ABHD12: variants seen among roughly 807,000 people sequenced by gnomAD.
ABHD12 encodes lysophosphatidylserine lipase ABHD12.
Under a neutral mutation model 58.3 loss-of-function variants are expected in ABHD12, and 43 were observed. The ratio of observed to expected loss-of-function variants is 0.74; its 90% CI spans 0.58 to 0.95. The LOEUF (loss-of-function observed/expected upper bound fraction) is 0.95. Ranked by LOEUF, ABHD12 falls within the 40% of genes least tolerant of loss-of-function variation. ABHD12 has a pLI of 0.00. For synonymous variants in ABHD12, 219 were observed against 211.2 expected (o/e 1.04, Z -0.32); for missense variants, 539 against 537.2 (o/e 1.00, Z -0.03).
At chr20:25,390,253 G>A (rs1208748648) in intron 1 of ABHD12, 5 of 362,724 alleles carry the variant, frequency 1.4e-5, no homozygotes, top group Non-Finnish European at 2.5e-5. Context: ...TAGGCCAGGA[G>A]TGCCTGGCGA....
chr20:25,312,236 C>A (rs1423154610), intron 6 of ABHD12, among the ~76,000 whole-genome samples: 1 of 152,190 alleles, frequency 6.6e-6, no homozygotes, highest in Admixed American at 6.5e-5. Context: ...CAAGCCGAAG[C>A]TGGACTGTAC....
intron 1 of ABHD12, among the ~76,000 whole-genome samples, chr20:25,344,003 G>T (rs2089487336): frequency 6.6e-6 from 1 of 151,890 alleles, no homozygotes; most frequent in Admixed American, 6.6e-5. Context: ...ACATCAACAG[G>T]CTAAAAAAGA....
intron 7 of ABHD12, 117 bp downstream of exon 7, chr20:25,309,329 G>C: frequency 6.7e-7 from 1 of 1,488,442 alleles, no homozygotes; most frequent in Non-Finnish European, 9.3e-7. Flanking sequence ...AGCGAGGCTG[G>C]TCGGGACTAA....
Position 25,390,829 on chromosome 20 carries a change from C to G in ABHD12, c.-126G>C. Reference sequence around the variant, plus strand: ...GCCGCTCCTCACATCCCAGCCCAGGCCGCTGCGCCGGCTACGAACCAGCGG... The same window carrying G: ...GCCGCTCCTCACATCCCAGCCCAGGGCGCTGCGCCGGCTACGAACCAGCGG... On this transcript the variant is annotated 5_prime_UTR_variant, in exon 1 of 13. Transcript: ENST00000339157. The G allele has an allele frequency of 1.7e-6, 1 of 588,912 alleles. No individual in the cohort carries two copies. The highest frequency in any genetic ancestry group is 8.4e-5 in the South Asian group (1 of 11,886). 36.5% of individuals were successfully genotyped at this position (588,912 alleles called of 1,614,324 possible).
chr20:25,362,621 G>C (rs1308334395), intron 1 of ABHD12, among the ~76,000 whole-genome samples: 1 of 145,386 alleles, frequency 6.9e-6, no homozygotes, highest in Non-Finnish European at 1.5e-5. Context: ...GGAAGGACAG[G>C]GGAGGGGAGG....
chr20:25,300,912 T>C, intron 12 of ABHD12, 28 bp from the exon 13 acceptor site: 1 of 1,608,438 alleles, frequency 6.2e-7, no homozygotes, highest in Non-Finnish European at 8.5e-7. Flanking sequence ...CAGGAGCCAA[T>C]CATTTGAGCT....
At chr20:25,346,413 G>A (rs1011215405) in intron 1 of ABHD12, among the ~76,000 whole-genome samples, 1 of 152,084 alleles carries the variant, frequency 6.6e-6, no homozygotes, top group African/African-American at 2.4e-5. Context: ...TACATTTGTC[G>A]AAATCTCATA....
At chr20:25,317,015 C>G (rs1344187784) in intron 5 of ABHD12, 33 bp downstream of exon 5, 3 of 1,608,332 alleles carry the variant, frequency 1.9e-6, no homozygotes, top group Non-Finnish European at 2.6e-6. Context: ...AAGAACAGCC[C>G]AGGGAACAGG....
intron 1 of ABHD12, among the ~76,000 whole-genome samples, chr20:25,383,486 C>T (rs189240275): frequency 6.6e-6 from 1 of 152,222 alleles, no homozygotes; most frequent in Non-Finnish European, 1.5e-5. Context: ...GCCTTCAATG[C>T]ACATTCCCAA....
Position 25,303,645 on chromosome 20 carries a change from G to A in ABHD12, c.951-17C>T. 6.2e-7 allele frequency: 1 copy of A among 1,613,294 alleles called. No homozygotes were observed. ...TGCTTCACGCTGTAGGAGGGAGAAG[G>A]GGCTAGACCAAGACCAGGGAAAGGG... is the stretch of plus-strand genomic sequence containing the variant. On this transcript the variant is annotated splice_polypyrimidine_tract_variant and intron_variant, in intron 10 of 12. Transcript: ENST00000339157.
downstream of ABHD12, chr20:25,296,440 C>G (rs1350426292): frequency 1.2e-6 from 2 of 1,613,924 alleles, no homozygotes; most frequent in African/African-American, 2.7e-5. Context: ...AGTGACCGGA[C>G]CATCACGGAG....
chr20:25,309,381 C>G, intron 7 of ABHD12, 65 bp downstream of exon 7: 1 of 1,610,452 alleles, frequency 6.2e-7, no homozygotes, highest in Non-Finnish European at 8.5e-7. Flanking sequence ...TCTCTAGATC[C>G]AGGCATGGGA....
chr20:25,383,087 C>T (rs1450092503), intron 1 of ABHD12, among the ~76,000 whole-genome samples: 1 of 152,110 alleles, frequency 6.6e-6, no homozygotes, highest in African/African-American at 2.4e-5. Flanking sequence ...GAACTCGCTC[C>T]CATCTTCCTA....
Position 25,368,601 on chromosome 20 carries a change from A to C in ABHD12, c.191+21912T>G, listed in dbSNP as rs1010739363. Reference sequence around the variant, plus strand: ...CACCCTGATACATAAACCCTGGAATAATTCTGTGAAAGCGGAAACCCTTAA... The same window carrying C: ...CACCCTGATACATAAACCCTGGAATCATTCTGTGAAAGCGGAAACCCTTAA... On this transcript the variant is annotated intron_variant, in intron 1 of 12. Transcript: ENST00000339157. The C allele has an allele frequency of 1.3e-5, 18 of 1,393,266 alleles. No homozygotes were observed. The Admixed American group carries it at 2.7e-4, about 21-fold the overall frequency. 86.3% of individuals were successfully genotyped at this position (1,393,266 alleles called of 1,614,324 possible). A position where few individuals can be genotyped will look rare whatever the true frequency, so the allele number is the denominator to read the frequency against.
intron 1 of ABHD12, among the ~76,000 whole-genome samples, chr20:25,375,088 T>C (rs2089946219): frequency 6.6e-6 from 1 of 152,130 alleles, no homozygotes; most frequent in Non-Finnish European, 1.5e-5. Context: ...TAAGAAGAAA[T>C]GCAGAAAGAG....
chr20:25,354,001 G>A (rs777838475), intron 1 of ABHD12, among the ~76,000 whole-genome samples: 6 of 152,184 alleles, frequency 3.9e-5, no homozygotes, highest in Admixed American at 1.3e-4. Context: ...ACTCTCCTTC[G>A]CAGTGGTCTT....
chr20:25,339,697 C>T (rs938110604), intron 1 of ABHD12: 7 of 1,374,232 alleles, frequency 5.1e-6, no homozygotes, highest in African/African-American at 1.5e-5. Context: ...GCTGTAACCT[C>T]GTATCAGGAA....
intron 2 of ABHD12, among the ~76,000 whole-genome samples, chr20:25,329,501 G>A (rs1332863261): frequency 1.3e-5 from 2 of 152,140 alleles, no homozygotes; most frequent in Non-Finnish European, 2.9e-5. Context: ...AAACATCAAC[G>A]GGCAGGATGG....
chr20:25,348,090 G>A (rs1209596490), intron 1 of ABHD12, among the ~76,000 whole-genome samples: 19 of 151,918 alleles, frequency 1.3e-4, no homozygotes, highest in African/African-American at 4.1e-4. Context: ...CACGCCTGTA[G>A]TCCCAGCTAC....
Sources: allele counts gnomAD v4.1 joint callset (sites outside exome capture counted in the v4.1 genomes callset), GRCh38; gene constraint gnomAD v4.1.1; transcripts MANE v1.5; gene names NCBI Gene and HGNC (gene_info 2026-07-23, HGNC 2026-07-21).